Variants in SYT1 observed in about 807,000 individuals in gnomAD.
SYT1 encodes the protein synaptotagmin 1.
Under a neutral mutation model 44.8 loss-of-function variants are expected in SYT1, and 8 were observed. That is an observed-to-expected ratio of 0.18 (90% CI 0.10 to 0.32). The LOEUF is 0.32. Among genes scored for constraint, SYT1 ranks in the 10% least tolerant of loss-of-function variants. SYT1 has a pLI of 1.00. For synonymous variants in SYT1, 154 were observed against 188.8 expected, an observed-to-expected ratio of 0.82 and a Z score of 1.51; for missense variants, 286 against 509.3, an observed-to-expected ratio of 0.56 and a Z score of 4.22.
chr12:79,112,003 AAAGTT>A (rs376911366), intron 3 of SYT1, among the ~76,000 whole-genome samples: 66 of 151,586 alleles, frequency 4.4e-4, no homozygotes, highest in African/African-American at 6.0e-4. Flanking sequence ...GAGAGAACTT[AAAGTT>A]TAGTTAGAAA....
At chr12:79,277,090 C>T (rs1270223885) in intron 4 of SYT1, among the ~76,000 whole-genome samples, 1 of 152,028 alleles carries the variant, frequency 6.6e-6, no homozygotes, top group Non-Finnish European at 1.5e-5. Context: ...AGGAAATATT[C>T]CCTGGTCTTG....
At chr12:79,169,649 T>C (rs1338484059) in intron 3 of SYT1, among the ~76,000 whole-genome samples, 27 of 152,066 alleles carry the variant, frequency 1.8e-4, no homozygotes, top group Admixed American at 1.8e-3. Context: ...AGGACACCAT[T>C]TGGATTTGCC....
chr12:79,297,656 A>T (rs1224075093), intron 7 of SYT1, among the ~76,000 whole-genome samples: 2 of 152,142 alleles, frequency 1.3e-5, no homozygotes, highest in Non-Finnish European at 2.9e-5. Context: ...AGAAAGGTTG[A>T]TCAAACTATA....
intron 9 of SYT1, among the ~76,000 whole-genome samples, chr12:79,398,852 G>C (rs548532961): frequency 6.6e-5 from 10 of 152,186 alleles, no homozygotes; most frequent in Non-Finnish European, 1.2e-4. Context: ...TAATATCGGG[G>C]CCAAACAATT....
chr12:78,871,745 T>C (rs550390042), intron 1 of SYT1, among the ~76,000 whole-genome samples: 20 of 151,756 alleles, frequency 1.3e-4, no homozygotes, highest in Non-Finnish European at 2.5e-4. Flanking sequence ...TGACTTGGAG[T>C]GTCTGCCAGA....
At chr12:79,311,924 C>T (rs1474801330) in intron 8 of SYT1, among the ~76,000 whole-genome samples, 129 of 145,798 alleles carry the variant, frequency 8.8e-4, no homozygotes, top group Non-Finnish European at 1.4e-3. Flanking sequence ...TGCTAAATGA[C>T]GAGTTAATGG....
chr12:79,171,050 T>C (rs1420634403), intron 3 of SYT1, among the ~76,000 whole-genome samples: 2 of 152,108 alleles, frequency 1.3e-5, no homozygotes, highest in African/African-American at 4.8e-5. Flanking sequence ...CATTGGTCTA[T>C]GTGTCTCTTT....
intron 3 of SYT1, among the ~76,000 whole-genome samples, chr12:79,053,274 G>T (rs572494217): frequency 2.6e-5 from 4 of 152,044 alleles, no homozygotes; most frequent in Admixed American, 2.0e-4. Context: ...ACCAAATACC[G>T]CATGTTCTCA....
At chr12:78,903,923 AT>A (rs539982271) in intron 1 of SYT1, among the ~76,000 whole-genome samples, 22 of 151,796 alleles carry the variant, frequency 1.4e-4, no homozygotes, top group African/African-American at 5.1e-4. Flanking sequence ...TTACCCCATT[AT>A]TTTTTTTCTA....
At chr12:79,023,807 C>G (rs1872345275) in intron 2 of SYT1, among the ~76,000 whole-genome samples, 1 of 151,694 alleles carries the variant, frequency 6.6e-6, no homozygotes, top group Non-Finnish European at 1.5e-5. Flanking sequence ...CTCTCTCTCT[C>G]CATGCACATT....
At chr12:79,348,998 G>GGAAA (rs71865653) in intron 8 of SYT1, among the ~76,000 whole-genome samples, 4,179 of 125,334 alleles carry the variant, frequency 0.033, 78 homozygotes, top group South Asian at 0.051. Flanking sequence ...AAAGAGAGAA[G>GGAAA]GAAAGAAAGA....
At chr12:79,054,537 G>T (rs943428538) in intron 3 of SYT1, among the ~76,000 whole-genome samples, 2 of 151,876 alleles carry the variant, frequency 1.3e-5, no homozygotes, top group Admixed American at 6.6e-5. Flanking sequence ...TATATACTTA[G>T]ATTTTTATAC....
rs532642718 is a variant in SYT1, at chr12:79,064,623, C to T, written c.-18+17261C>T. On this transcript the variant is annotated intron_variant, in intron 3 of 10. Coordinates refer to ENST00000261205, the MANE Select transcript of SYT1 (RefSeq NM_005639.3). The stretch of plus-strand genomic sequence containing the variant: ...TAATATAATATGTGAAATGAGAAGA[C>T]TAAGGGATTTTACCTACCACCTACA... Among the ~76,000 whole-genome samples the T allele has an allele frequency of 5.3e-5, 8 of 152,028 alleles. No individual in the cohort carries two copies. The South Asian group carries it at 1.7e-3, about 32-fold the overall frequency.
chr12:79,290,081 G>A (rs1879503803), intron 5 of SYT1, among the ~76,000 whole-genome samples: 1 of 152,064 alleles, frequency 6.6e-6, no homozygotes, highest in South Asian at 2.1e-4. Context: ...AAATTAAGTG[G>A]TTTGTAGCTA....
chr12:79,175,580 T>C lies in SYT1; in HGVS notation c.-17-41923T>C, dbSNP rs1330034741. ...GACATCTATTTGGCACACTCAAACTTTTGGTGATGAAATTCCCTTTTGCCA... is the reference window on the plus strand; with the variant it reads ...GACATCTATTTGGCACACTCAAACTCTTGGTGATGAAATTCCCTTTTGCCA... On this transcript the variant is annotated intron_variant, in intron 3 of 10. Coordinates refer to ENST00000261205, the MANE Select transcript of SYT1 (RefSeq NM_005639.3). 2.6e-5 allele frequency among the ~76,000 whole-genome samples: 4 copies of C among 152,092 alleles called. No individual in the cohort carries two copies. The East Asian group carries it at 5.8e-4, about 22-fold the overall frequency.
intron 4 of SYT1, among the ~76,000 whole-genome samples, chr12:79,230,684 T>G (rs1202864817): frequency 6.6e-6 from 1 of 152,190 alleles, no homozygotes; most frequent in Non-Finnish European, 1.5e-5. Flanking sequence ...TGGATTTTGT[T>G]TTATAAACTA....
chr12:79,162,995 C>T (rs1871041289), intron 3 of SYT1, among the ~76,000 whole-genome samples: 2 of 152,048 alleles, frequency 1.3e-5, no homozygotes, highest in Non-Finnish European at 2.9e-5. Context: ...AAGGTGCACA[C>T]AATTTTAAAA....
intron 3 of SYT1, among the ~76,000 whole-genome samples, chr12:79,128,417 G>A (rs549371199): frequency 5.3e-4 from 80 of 152,152 alleles, no homozygotes; most frequent in African/African-American, 1.8e-3. Flanking sequence ...CAGATAGATA[G>A]ATGATAGATA....
At chr12:78,949,101 A>G (rs1181266105) in intron 1 of SYT1, among the ~76,000 whole-genome samples, 1 of 151,520 alleles carries the variant, frequency 6.6e-6, no homozygotes, top group African/African-American at 2.4e-5. Context: ...GTGATTGGCT[A>G]TAGGACTTCT....
Sources: allele counts gnomAD v4.1 joint callset (sites outside exome capture counted in the v4.1 genomes callset), GRCh38; gene constraint gnomAD v4.1.1; transcripts MANE v1.5; gene names NCBI Gene and HGNC (gene_info 2026-07-23, HGNC 2026-07-21).